The following CACNA1I variants were observed in gnomAD, a reference collection of about 807,000 sequenced individuals.
The protein encoded by CACNA1I is calcium voltage-gated channel subunit alpha1 I, also known as voltage-dependent T-type calcium channel subunit alpha-1I.
Under a neutral mutation model 201.6 loss-of-function variants are expected in CACNA1I, and 74 were observed. The ratio of observed to expected loss-of-function variants is 0.37; its 90% CI spans 0.30 to 0.45. The LOEUF (loss-of-function observed/expected upper bound fraction) is 0.45, where lower values mean the gene tolerates loss of function less well. Among genes scored for constraint, CACNA1I ranks in the 20% least tolerant of loss-of-function variants. The probability of loss-of-function intolerance (pLI) is 1.00; values close to 1 mark genes in which losing one functional copy is unlikely to be tolerated. For missense variants in CACNA1I, 2,346 were observed against 3,138.1 expected, an observed-to-expected ratio of 0.75 and a Z score of 6.03; for synonymous variants, 1,431 against 1,345.2, an observed-to-expected ratio of 1.06 and a Z score of -1.40.
At chr22:39,594,907 A>G (rs1463680607) in intron 1 of CACNA1I, among the ~76,000 whole-genome samples, 4 of 152,184 alleles carry the variant, frequency 2.6e-5, no homozygotes, top group Non-Finnish European at 5.9e-5. Context: ...CCCTATATTT[A>G]CTATGTTTTT....
intron 10 of CACNA1I, chr22:39,656,591 G>C: frequency 1.9e-6 from 1 of 517,796 alleles, no homozygotes; most frequent in Non-Finnish European, 3.9e-6. Context: ...GCCCACCCTG[G>C]TAGCTCGAGC....
At chr22:39,653,442 A>T (rs1934713884) in intron 10 of CACNA1I, among the ~76,000 whole-genome samples, 2 of 152,204 alleles carry the variant, frequency 1.3e-5, no homozygotes, top group South Asian at 4.2e-4. Context: ...GCGGGAAATG[A>T]TCCGCCCCCA....
At chr22:39,595,774 G>A (rs922752996) in intron 1 of CACNA1I, among the ~76,000 whole-genome samples, 3 of 152,054 alleles carry the variant, frequency 2.0e-5, no homozygotes, top group Non-Finnish European at 2.9e-5. Flanking sequence ...TAACTGACAC[G>A]GCAGATAATG....
At chr22:39,631,106 G>A (rs1275418429) in intron 4 of CACNA1I, among the ~76,000 whole-genome samples, 1 of 152,184 alleles carries the variant, frequency 6.6e-6, no homozygotes, top group Non-Finnish European at 1.5e-5. Context: ...GGAATCTTCC[G>A]TCAGAGGTGT....
At chr22:39,664,592 C>T in intron 20 of CACNA1I, 147 bp from the exon 21 acceptor site, 2 of 572,276 alleles carry the variant, frequency 3.5e-6, no homozygotes, top group Middle Eastern at 4.9e-4. Flanking sequence ...CCCTCCCCTT[C>T]CCTTCGGCCC....
chr22:39,679,448 G>A lies in CACNA1I; in HGVS notation c.5394+3G>A. On this transcript the variant is annotated splice_donor_region_variant and intron_variant, in intron 32 of 36. Coordinates refer to ENST00000402142, the MANE Select transcript of CACNA1I (RefSeq NM_021096.4). ...GGCGCTGCTACTCGCCTGCCCAGGT[G>A]GGCAGGGGCTGGAGAGGTGTGAGGG... 7.1e-7 allele frequency: 1 copy of A among 1,415,520 alleles called. No individual in the cohort carries two copies. The highest frequency in any genetic ancestry group is 9.1e-7 in the Non-Finnish European group (1 of 1,096,170). 87.7% of individuals were successfully genotyped at this position (1,415,520 alleles called of 1,614,324 possible). A position where few individuals can be genotyped will look rare whatever the true frequency, so the allele number is the denominator to read the frequency against.
At chr22:39,660,839 T>C (rs1934984473) in intron 15 of CACNA1I, among the ~76,000 whole-genome samples, 1 of 152,064 alleles carries the variant, frequency 6.6e-6, no homozygotes, top group Admixed American at 6.5e-5. Context: ...TTTCCCATAG[T>C]GGGCATGGGA....
chr22:39,669,966 C>G lies in CACNA1I; in HGVS notation c.4195-72C>G. On this transcript the variant is annotated intron_variant, in intron 24 of 36. Transcript: ENST00000402142. The stretch of plus-strand genomic sequence containing the variant: ...ACATGCCCACTCCATGGAGGCTCAG[C>G]CAGGATGGGCACCTCCCCATGGCCC... The G allele has an allele frequency of 2.6e-6, 4 of 1,559,818 alleles. No individual in the cohort carries two copies. The South Asian group carries it at 4.5e-5, about 17-fold the overall frequency.
At chr22:39,603,474 TCTTGTTTTTCAGAGTAC>T (rs1933125797) in intron 3 of CACNA1I, among the ~76,000 whole-genome samples, 1 of 152,190 alleles carries the variant, frequency 6.6e-6, no homozygotes, top group South Asian at 2.1e-4. Flanking sequence ...TTTTTGGATT[TCTTGTTTTTCAGAGTAC>T]CTTGTGCCTG....
At position 39,679,768 on chromosome 22, in the gene CACNA1I, T is replaced by C; in HGVS notation, c.5441T>C (p.Leu1814Ser). The C allele has an allele frequency of 1.2e-6, 2 of 1,612,998 alleles. No homozygotes were observed. Among genetic ancestry groups the C allele is most frequent in the Non-Finnish European group, 1.7e-6 (2 of 1,179,560 alleles). The part of the protein sequence containing the change: ...DSVSLIIKDS[L>S]EGELTIIDNL... Reference sequence around the variant, plus strand: ...GTCTCTTTAATCATCAAGGACTCCTTGGAGGGGGAGCTGACCATCATCGAC... The same window carrying C: ...GTCTCTTTAATCATCAAGGACTCCTCGGAGGGGGAGCTGACCATCATCGAC... The change falls in exon 33 of 37, where the codon TTG becomes TCG. Residue 1814 changes from leucine to serine, a missense_variant. Physicochemically the swap from Leu to Ser is moderately radical, Grantham distance 145. Transcript: ENST00000402142.
chr22:39,679,535 A>G, intron 32 of CACNA1I, 90 bp downstream of exon 32: 1 of 1,106,476 alleles, frequency 9.0e-7, no homozygotes, highest in East Asian at 2.7e-5. Flanking sequence ...CCTTGCACAG[A>G]GACCTCTGTC....
Position 39,686,081 on chromosome 22 carries a change from C to CG in CACNA1I, c.6353dup (p.Ala2119ArgfsTer159). 1 of 1,189,208 alleles carries CG rather than the reference C, an allele frequency of 8.4e-7. No homozygotes were observed. The highest frequency in any genetic ancestry group is 1.0e-6 in the Non-Finnish European group (1 of 964,646). The allele number at this position is 1,189,208 out of a possible 1,614,324, so 73.7% of individuals were successfully genotyped here. A position where few individuals can be genotyped will look rare whatever the true frequency, so the allele number is the denominator to read the frequency against. On this transcript the variant is annotated frameshift_variant, in exon 37 of 37. Transcript: ENST00000402142. LOFTEE classifies it low-confidence loss of function (END_TRUNC). ...AGGAGGGCCGCGGTGGCGCGGGCGG[C>CG]GGGGGCGCGGGCAGCGAGCACTCGG...
intron 7 of CACNA1I, among the ~76,000 whole-genome samples, chr22:39,645,376 C>G (rs1182736387): frequency 6.6e-6 from 1 of 152,204 alleles, no homozygotes; most frequent in Non-Finnish European, 1.5e-5. Flanking sequence ...GATGGAGGCC[C>G]ACCCGGGTCG....
At chr22:39,585,520 G>T (rs1932720152) in intron 1 of CACNA1I, among the ~76,000 whole-genome samples, 2 of 149,262 alleles carry the variant, frequency 1.3e-5, no homozygotes, top group Admixed American at 1.4e-4. Context: ...CTTCCAAGTA[G>T]CTGGGATTAC....
chr22:39,664,322 G>T (rs997066087), intron 20 of CACNA1I, among the ~76,000 whole-genome samples, 163 bp downstream of exon 20: 8 of 151,582 alleles, frequency 5.3e-5, no homozygotes. Context: ...GGGCTCCCGC[G>T]ACCCAGAGGG....
At chr22:39,641,751 A>G (rs560785722) in intron 6 of CACNA1I, among the ~76,000 whole-genome samples, 1 of 152,204 alleles carries the variant, frequency 6.6e-6, no homozygotes, top group South Asian at 2.1e-4. Flanking sequence ...GCGTGGCCCC[A>G]CTGCACTGAC....
chr22:39,670,755 G>T (rs1935348272), intron 25 of CACNA1I, 48 bp from the exon 26 acceptor site: 10 of 1,603,524 alleles, frequency 6.2e-6, no homozygotes, highest in Non-Finnish European at 8.5e-6. Context: ...CCTTTCCCTT[G>T]ACCCCAACCC....
chr22:39,614,575 G>C (rs1727423107), intron 3 of CACNA1I, among the ~76,000 whole-genome samples: 1 of 152,256 alleles, frequency 6.6e-6, no homozygotes, highest in Non-Finnish European at 1.5e-5. Flanking sequence ...CCTGGCTTAA[G>C]GGCTGGGCTG....
In CACNA1I at chr22:39,662,127, G is replaced by T. The variant is rs772197167; in HGVS notation, c.3064G>T (p.Ala1022Ser). 83 of 1,526,420 alleles carry T rather than the reference G, an allele frequency of 5.4e-5. No individual in the cohort carries two copies. The highest frequency in any genetic ancestry group is 7.2e-5 in the Non-Finnish European group (82 of 1,140,920). 94.6% of individuals were successfully genotyped at this position (1,526,420 alleles called of 1,614,324 possible). ...GGGARVCEVA[A>S]DEGPPRAAPL... ...CGGCGCCCGGGTCTGCGAGGTTGCC[G>T]CGGACGAGGGGCCGCCGCGGGCCGC... The change falls in exon 17 of 37, where the codon GCG becomes TCG. Residue 1022 changes from alanine (A) to serine (S), a missense_variant. Ala to Ser is a moderately conservative substitution (Grantham distance 99). Coordinates refer to ENST00000402142, the MANE Select transcript of CACNA1I (RefSeq NM_021096.4).
Sources: allele counts gnomAD v4.1 joint callset (sites outside exome capture counted in the v4.1 genomes callset), GRCh38; gene constraint gnomAD v4.1.1; transcripts MANE v1.5; gene names NCBI Gene and HGNC (gene_info 2026-07-23, HGNC 2026-07-21).